ADGRL3: variants seen among roughly 807,000 people sequenced by gnomAD.
ADGRL3 encodes the protein adhesion G protein-coupled receptor L3.
A neutral mutation model predicts 153.5 loss-of-function variants in ADGRL3; 62 were observed. The ratio of observed to expected loss-of-function variants is 0.40; its 90% CI spans 0.33 to 0.50. The LOEUF (loss-of-function observed/expected upper bound fraction) is 0.50. Ranked by LOEUF, ADGRL3 falls within the 20% of genes least tolerant of loss-of-function variation. The pLI, the probability that ADGRL3 is intolerant of heterozygous loss-of-function variation, is 0.47. For synonymous variants in ADGRL3, 710 were observed against 672.5 expected, an observed-to-expected ratio of 1.06 and a Z score of -0.86; for missense variants, 1,641 against 1,859.4, an observed-to-expected ratio of 0.88 and a Z score of 2.16.
intron 15 of ADGRL3, among the ~76,000 whole-genome samples, chr4:61,946,108 G>A (rs1470885470): frequency 6.6e-6 from 1 of 152,152 alleles, no homozygotes; most frequent in African/African-American, 2.4e-5. Flanking sequence ...CCTGGGAAAG[G>A]TAGATGTATG....
At chr4:61,523,943 CACTT>C (rs1010828441) in intron 4 of ADGRL3, among the ~76,000 whole-genome samples, 1 of 152,010 alleles carries the variant, frequency 6.6e-6, no homozygotes, top group African/African-American at 2.4e-5. Flanking sequence ...TAAACTTTGA[CACTT>C]AGTGCTCAAA....
intron 3 of ADGRL3, among the ~76,000 whole-genome samples, chr4:61,512,275 C>A (rs2098467415): frequency 1.3e-5 from 2 of 152,104 alleles, no homozygotes; most frequent in South Asian, 4.1e-4. Flanking sequence ...AGTGAATACT[C>A]ATAACAATCC....
chr4:61,269,257 T>C (rs149411924), intron 1 of ADGRL3, among the ~76,000 whole-genome samples: 55 of 151,764 alleles, frequency 3.6e-4, no homozygotes, highest in African/African-American at 1.3e-3. Flanking sequence ...TTTAATAGCA[T>C]ATATGCTTTT....
At chr4:61,864,270 G>T (rs1423006269) in intron 9 of ADGRL3, among the ~76,000 whole-genome samples, 1 of 151,968 alleles carries the variant, frequency 6.6e-6, no homozygotes. Flanking sequence ...CAGTGAATTG[G>T]CAAGAAATAT....
chr4:61,388,334 T>A (rs945568630), intron 2 of ADGRL3, among the ~76,000 whole-genome samples: 1 of 152,210 alleles, frequency 6.6e-6, no homozygotes, highest in Non-Finnish European at 1.5e-5. Context: ...ACACTACAGT[T>A]TTTTGAGCCT....
intron 2 of ADGRL3, among the ~76,000 whole-genome samples, chr4:61,417,151 G>A (rs1032886208): frequency 5.3e-5 from 8 of 152,084 alleles, no homozygotes; most frequent in African/African-American, 1.7e-4. Context: ...TTCCTAACAG[G>A]CCATGGGCCA....
intron 4 of ADGRL3, among the ~76,000 whole-genome samples, chr4:61,584,749 G>T (rs2098939625): frequency 6.6e-6 from 1 of 151,868 alleles, no homozygotes; most frequent in African/African-American, 2.4e-5. Flanking sequence ...AGGGAATTCT[G>T]ATATTAAGGA....
chr4:61,381,098 G>T (rs533669736), intron 1 of ADGRL3, among the ~76,000 whole-genome samples: 5 of 152,038 alleles, frequency 3.3e-5, no homozygotes, highest in Admixed American at 6.6e-5. Flanking sequence ...GTCATAAGTG[G>T]CTGTAATTGA....
At chr4:61,860,183 G>A (rs1346245363) in intron 9 of ADGRL3, among the ~76,000 whole-genome samples, 1 of 152,186 alleles carries the variant, frequency 6.6e-6, no homozygotes, top group African/African-American at 2.4e-5. Context: ...TTTCCAACAT[G>A]TAGCTTAAAG....
intron 1 of ADGRL3, among the ~76,000 whole-genome samples, chr4:61,339,035 G>A (rs1451795489): frequency 6.6e-6 from 1 of 152,052 alleles, no homozygotes; most frequent in African/African-American, 2.4e-5. Flanking sequence ...GTGTGGGGAA[G>A]ATTTATACAA....
At chr4:61,510,057 T>C (rs2098455145) in intron 3 of ADGRL3, among the ~76,000 whole-genome samples, 1 of 152,236 alleles carries the variant, frequency 6.6e-6, no homozygotes, top group South Asian at 2.1e-4. Context: ...TGGCCGCTTG[T>C]ATGTCTTCTT....
At chr4:61,487,296 C>T (rs1442719023) in intron 2 of ADGRL3, among the ~76,000 whole-genome samples, 1 of 152,148 alleles carries the variant, frequency 6.6e-6, no homozygotes, top group Non-Finnish European at 1.5e-5. Flanking sequence ...CTCCATCCCT[C>T]GATTTCCTCA....
intron 4 of ADGRL3, among the ~76,000 whole-genome samples, chr4:61,538,597 G>A (rs778169288): frequency 5.3e-5 from 8 of 151,938 alleles, no homozygotes; most frequent in South Asian, 2.1e-4. Flanking sequence ...GCACCACCAC[G>A]CCCGGCTAAT....
chr4:61,359,667 A>G (rs2096252397), intron 1 of ADGRL3, among the ~76,000 whole-genome samples: 1 of 152,166 alleles, frequency 6.6e-6, no homozygotes, highest in Admixed American at 6.5e-5. Context: ...GTAAAATTGT[A>G]AATTTTACAT....
chr4:61,232,878 T>C (rs1010812257), intron 1 of ADGRL3, among the ~76,000 whole-genome samples: 2 of 152,062 alleles, frequency 1.3e-5, no homozygotes, highest in Non-Finnish European at 2.9e-5. Flanking sequence ...TGGGAGGCAA[T>C]GCTATACTGT....
chr4:62,026,930 A>G (rs1718973949), intron 21 of ADGRL3, among the ~76,000 whole-genome samples: 1 of 152,098 alleles, frequency 6.6e-6, no homozygotes, highest in Non-Finnish European at 1.5e-5. Flanking sequence ...TATCCAAGAT[A>G]CACATAATGA....
chr4:61,395,949 A>G (rs2096863525), intron 2 of ADGRL3, among the ~76,000 whole-genome samples: 1 of 151,986 alleles, frequency 6.6e-6, no homozygotes, highest in African/African-American at 2.4e-5. Flanking sequence ...GCTAATTGAC[A>G]AACAAGGAAT....
chr4:61,746,164 A>G (rs894535570), intron 8 of ADGRL3, among the ~76,000 whole-genome samples: 1 of 152,192 alleles, frequency 6.6e-6, no homozygotes, highest in Non-Finnish European at 1.5e-5. Context: ...TAACTATCCT[A>G]AATATATATG....
At chr4:61,929,449 G>T (rs1044256137) in intron 13 of ADGRL3, among the ~76,000 whole-genome samples, 1 of 152,206 alleles carries the variant, frequency 6.6e-6, no homozygotes, top group Non-Finnish European at 1.5e-5. Context: ...ATTCAAGAAA[G>T]TATTGGCTAG....
Sources: gnomAD v4.1 joint callset for allele counts (sites outside exome capture counted in the v4.1 genomes callset) on GRCh38, gnomAD v4.1.1 for gene constraint, MANE v1.5 for transcripts, NCBI Gene and HGNC (gene_info 2026-07-23, HGNC 2026-07-21) for gene names.